UBE3B: variants seen among roughly 807,000 people sequenced by gnomAD.
UBE3B encodes the protein ubiquitin-protein ligase E3B.
Under a neutral mutation model 132.3 loss-of-function variants are expected in UBE3B, and 80 were observed. The ratio of observed to expected loss-of-function variants is 0.60; its 90% CI spans 0.50 to 0.73. The LOEUF is 0.73. Ranked by LOEUF, UBE3B falls within the 30% of genes least tolerant of loss-of-function variation. The pLI is 0.00. For synonymous variants in UBE3B, 487 were observed against 520.4 expected (o/e 0.94, Z 0.87); for missense variants, 1,196 against 1,362.5 (o/e 0.88, Z 1.92).
intron 14 of UBE3B, among the ~76,000 whole-genome samples, chr12:109,505,946 C>T (rs191041722): frequency 4.3e-4 from 65 of 152,264 alleles, no homozygotes; most frequent in African/African-American, 1.4e-3. Context: ...AGGAACACAC[C>T]TTAATGTATA....
the UBE3B span, among the ~76,000 whole-genome samples, chr12:109,545,556 C>T: frequency 2.0e-5 from 3 of 152,152 alleles, no homozygotes; most frequent in African/African-American, 7.2e-5. Context: ...TGCCCAAGGC[C>T]CCAGAGTCAG....
chr12:109,502,293 A>G (rs570821961), intron 13 of UBE3B, among the ~76,000 whole-genome samples: 1 of 152,336 alleles, frequency 6.6e-6, no homozygotes, highest in Non-Finnish European at 1.5e-5. Flanking sequence ...GACTCCTTAT[A>G]AAGGAGCCAC....
the UBE3B span, among the ~76,000 whole-genome samples, chr12:109,544,071 C>T: frequency 6.6e-6 from 1 of 152,162 alleles, no homozygotes; most frequent in Non-Finnish European, 1.5e-5. Context: ...CAGCTGCCCA[C>T]AGCTCTGGTC....
chr12:109,529,315 C>A (rs1882711837), intron 24 of UBE3B, among the ~76,000 whole-genome samples: 1 of 152,200 alleles, frequency 6.6e-6, no homozygotes, highest in Non-Finnish European at 1.5e-5. Context: ...TGCTTGGAAC[C>A]ATTGTAAGTT....
Position 109,509,608 on chromosome 12 carries a change from C to A in UBE3B, c.1635C>A (p.Asp545Glu). The change falls in exon 16 of 28, where the codon GAC (aspartate) becomes GAA (glutamate). Residue 545 changes from aspartate (D) to glutamate (E), a missense_variant. By Grantham distance (45) the Asp-to-Glu change is conservative. Transcript: ENST00000342494. ...CTCTCTGATTTAGAATCCTTGATGA[C>A]ATTGAAGTTTATGAAGAACAGATTT... The part of the protein sequence containing the change: ...CSRHLITILD[D>E]IEVYEEQISF... 6.2e-7 allele frequency: 1 copy of A among 1,601,724 alleles called. No individual in the cohort carries two copies.
In UBE3B at chr12:109,488,649, G is replaced by C. The variant is rs1249759605; in HGVS notation, c.525G>C (p.Trp175Cys). ...TCACCTTCACAGACACTTCAACGTG[G>C]AAAATTCTTCGGGGAAAAGGTCTGT... ...MLVTFTDTST[W>C]KILRGKGESL... Residue 175 changes from tryptophan (W) to cysteine (C), a missense_variant, in exon 7 of 28, where the codon TGG becomes TGC. Transcript: ENST00000342494. 6.2e-7 allele frequency: 1 copy of C among 1,614,076 alleles called. No individual in the cohort carries two copies. The highest frequency in any genetic ancestry group is 8.5e-7 in the Non-Finnish European group (1 of 1,179,960).
Position 109,527,162 on chromosome 12 carries a change from G to A in UBE3B, c.2627+746G>A, listed in dbSNP as rs532495094. On this transcript the variant is annotated intron_variant, in intron 24 of 27. Transcript: ENST00000342494. ...CGTGATGAATTCAAATGCCACAGAC[G>A]GAGGTCCTTAGACATGGGAATTGGA... Among the ~76,000 whole-genome samples, 21 of 152,310 alleles carry A rather than the reference G, an allele frequency of 1.4e-4. 1 individual carries two copies. In the South Asian group the frequency reaches 1.7e-3, roughly 12 times the overall value.
chr12:109,537,934 C>T (rs900961642), downstream of UBE3B, among the ~76,000 whole-genome samples: 1 of 152,180 alleles, frequency 6.6e-6, no homozygotes, highest in African/African-American at 2.4e-5. Context: ...TTGATCTGAC[C>T]TCATGATCCC....
In UBE3B at chr12:109,522,809, G is replaced by A. The variant is rs997216404; in HGVS notation, c.2365-1169G>A. Among the ~76,000 whole-genome samples the A allele has an allele frequency of 6.6e-6, 1 of 152,212 alleles. No homozygotes were observed. Among genetic ancestry groups the A allele is most frequent in the Non-Finnish European group, 1.5e-5 (1 of 68,026 alleles). On this transcript the variant is annotated intron_variant, in intron 21 of 27. Transcript: ENST00000342494. The surrounding 1 kb of genome is among the most constrained non-coding windows in gnomAD (Gnocchi z 4.2). ...TGTGCCCTCCAGTGATTTGGGTCCTGGGCCCATTCTCTGTGCCTCTGTTTC... is the reference window on the plus strand; with the variant it reads ...TGTGCCCTCCAGTGATTTGGGTCCTAGGCCCATTCTCTGTGCCTCTGTTTC...
intron 6 of UBE3B, 107 bp from the exon 7 acceptor site, chr12:109,488,465 C>T: frequency 1.0e-6 from 1 of 977,626 alleles, no homozygotes. Flanking sequence ...ATAATCCTGA[C>T]TCAGTGATTC....
intron 24 of UBE3B, chr12:109,528,291 T>C: frequency 1.0e-6 from 1 of 974,868 alleles, no homozygotes; most frequent in Non-Finnish European, 1.2e-6. Flanking sequence ...CTTCCCTCCC[T>C]CTCACCTCCT....
Position 109,533,565 on chromosome 12 carries a change from C to T in UBE3B, c.3015+7C>T. 6.2e-7 allele frequency: 1 copy of T among 1,611,962 alleles called. No individual in the cohort carries two copies. The highest frequency in any genetic ancestry group is 8.5e-7 in the Non-Finnish European group (1 of 1,179,264). On this transcript the variant is annotated splice_region_variant and intron_variant, in intron 27 of 27. Coordinates refer to ENST00000342494, the MANE Select transcript of UBE3B (RefSeq NM_130466.4). ...GGAGGTGTCGGACGATCAGGTACCC[C>T]CACGGGGTGGGTGGGGAAGAGCCTT...
At chr12:109,482,688 G>A (rs1399124312) in intron 2 of UBE3B, among the ~76,000 whole-genome samples, 4 of 149,228 alleles carry the variant, frequency 2.7e-5, no homozygotes, top group Non-Finnish European at 6.0e-5. Context: ...GCCTCCGGGG[G>A]TCAGTGCTGT....
rs1168049846 is a variant in UBE3B at position 109,493,044 on chromosome 12, C to T, written c.713+1917C>T. 5.9e-5 allele frequency among the ~76,000 whole-genome samples: 9 copies of T among 152,094 alleles called. No homozygotes were observed. In the South Asian group the frequency reaches 6.2e-4, roughly 10 times the overall value. ...CTCACACAGAAGAACAGGATGTAAC[C>T]GGTTATGCTATCATTAGTTATGGAA... On this transcript the variant is annotated intron_variant, in intron 9 of 27. Transcript: ENST00000342494.
At chr12:109,506,203 G>A (rs1382612085) in intron 14 of UBE3B, among the ~76,000 whole-genome samples, 1 of 152,222 alleles carries the variant, frequency 6.6e-6, no homozygotes, top group Non-Finnish European at 1.5e-5. Context: ...AGGTAAGTGG[G>A]GGGAAGCTTT....
At position 109,523,968 on chromosome 12, in the gene UBE3B, G is replaced by A; in HGVS notation, c.2365-10G>A. On this transcript the variant is annotated splice_polypyrimidine_tract_variant and intron_variant, in intron 21 of 27. Coordinates refer to ENST00000342494, the MANE Select transcript of UBE3B (RefSeq NM_130466.4). ...GGCTGATGGACAGCTCTGCTTCTCTGCTCTCCCAGGGAATTGTGGTGGACG... is the reference window on the plus strand; with the variant it reads ...GGCTGATGGACAGCTCTGCTTCTCTACTCTCCCAGGGAATTGTGGTGGACG... The A allele has an allele frequency of 6.2e-7, 1 of 1,613,680 alleles. No homozygotes were observed. Among genetic ancestry groups the A allele is most frequent in the South Asian group, 1.1e-5 (1 of 91,056 alleles).
Position 109,501,503 on chromosome 12 carries a change from A to G in UBE3B, c.1251A>G (p.Pro417=), listed in dbSNP as rs1220691833. The change falls in exon 13 of 28, where the codon CCA becomes CCG. Residue 417 remains proline (P), a synonymous_variant. Coordinates refer to ENST00000342494, the MANE Select transcript of UBE3B (RefSeq NM_130466.4). ...GCCAGGAGCCAGCCCACGCACAGCC[A>G]GCATCCCCTCAGAATGTGCTCCCAG... is the stretch of plus-strand genomic sequence containing the variant. ...LESQEPAHAQ[P]ASPQNVLPVK... 1.9e-6 allele frequency: 3 copies of G among 1,614,188 alleles called. No individual in the cohort carries two copies. Among genetic ancestry groups the G allele is most frequent in the East Asian group, 2.2e-5 (1 of 44,878 alleles).
chr12:109,489,868 G>T, intron 7 of UBE3B, 51 bp from the exon 8 acceptor site: 1 of 1,535,172 alleles, frequency 6.5e-7, no homozygotes, highest in Non-Finnish European at 9.0e-7. Context: ...CACATAAACA[G>T]GTCACATTAT....
chr12:109,502,912 G>C (rs997675494), intron 13 of UBE3B, 111 bp from the exon 14 acceptor site: 7 of 1,360,126 alleles, frequency 5.1e-6, no homozygotes, highest in Admixed American at 3.7e-5. Flanking sequence ...TTGCCCCACT[G>C]TCTGGCCTGG....
Sources: gnomAD v4.1 joint callset for allele counts (sites outside exome capture counted in the v4.1 genomes callset) on GRCh38, gnomAD v4.1.1 for gene constraint, Gnocchi (gnomAD v3.1) non-coding constraint, MANE v1.5 for transcripts, NCBI Gene and HGNC (gene_info 2026-07-23, HGNC 2026-07-21) for gene names.